The following CCDC178 variants were observed in gnomAD, a reference collection of about 807,000 sequenced individuals.
CCDC178 encodes the protein coiled-coil domain containing 178, also known as coiled-coil domain-containing protein 178.
Under a neutral mutation model 117.4 loss-of-function variants are expected in CCDC178, and 126 were observed. The ratio of observed to expected loss-of-function variants is 1.07; its 90% CI spans 0.93 to 1.24. The LOEUF is 1.24. Ranked by LOEUF, CCDC178 falls within the 50% of genes most tolerant of loss-of-function variation. The pLI is 0.00. For missense variants in CCDC178, 1,030 were observed against 986.9 expected, an observed-to-expected ratio of 1.04 and a Z score of -0.59; for synonymous variants, 283 against 313.4, an observed-to-expected ratio of 0.90 and a Z score of 1.02.
rs1047693658 is a variant in CCDC178, at chr18:33,336,863, GC to G, written c.659-3470del. Among the ~76,000 whole-genome samples, 7 of 148,736 alleles carry G rather than the reference GC, an allele frequency of 4.7e-5. No individual in the cohort carries two copies. The East Asian group carries it at 1.2e-3, about 25-fold the overall frequency. On this transcript the variant is annotated intron_variant, in intron 9 of 22. Coordinates refer to ENST00000383096, the MANE Select transcript of CCDC178 (RefSeq NM_001105528.4). ...AGATTTGTTCTTTTTGCTTAGTCTT[GC>G]TTTGGCTATGCAGACTCTTTTTTTT... is the stretch of plus-strand genomic sequence containing the variant.
chr18:33,030,535 A>AGATAGAT (rs1025982848), intron 21 of CCDC178, among the ~76,000 whole-genome samples: 3 of 151,248 alleles, frequency 2.0e-5, no homozygotes, highest in Admixed American at 1.3e-4. Context: ...ATAGATAGAT[A>AGATAGAT]GATAGATAGA....
At chr18:33,351,029 G>C (rs1485458336) in intron 7 of CCDC178, among the ~76,000 whole-genome samples, 1 of 152,002 alleles carries the variant, frequency 6.6e-6, no homozygotes, top group Non-Finnish European at 1.5e-5. Flanking sequence ...CCTTTATTGT[G>C]TTTAATAAAG....
intron 2 of CCDC178, among the ~76,000 whole-genome samples, chr18:33,436,370 G>A (rs558500638): frequency 1.9e-4 from 29 of 152,288 alleles, no homozygotes; most frequent in Non-Finnish European, 3.5e-4. Flanking sequence ...TGAAAGACAT[G>A]CATAGACCAC....
intron 21 of CCDC178, among the ~76,000 whole-genome samples, chr18:33,090,132 A>G (rs115547133): frequency 9.5e-4 from 145 of 152,270 alleles, no homozygotes; most frequent in African/African-American, 3.4e-3. Context: ...TAGCATTCTA[A>G]CATTTGAGAC....
chr18:33,038,736 C>A (rs1407481582), intron 21 of CCDC178, among the ~76,000 whole-genome samples: 1 of 151,968 alleles, frequency 6.6e-6, no homozygotes, highest in East Asian at 1.9e-4. Flanking sequence ...AGAAGAGATG[C>A]TGGTAGTATC....
At chr18:33,336,018 C>T (rs1039826472) in intron 9 of CCDC178, among the ~76,000 whole-genome samples, 61 of 152,102 alleles carry the variant, frequency 4.0e-4, no homozygotes, top group African/African-American at 1.4e-3. Context: ...TTACTACTAA[C>T]GTACAGAACA....
At chr18:33,151,680 C>G (rs2058342569) in intron 20 of CCDC178, among the ~76,000 whole-genome samples, 1 of 152,098 alleles carries the variant, frequency 6.6e-6, no homozygotes, top group Admixed American at 6.5e-5. Context: ...CCCAAGAAAA[C>G]TGTTTCTCAT....
At position 33,220,271 on chromosome 18, in the gene CCDC178, T is replaced by C. The variant is rs149241027; in HGVS notation, c.1932+2835A>G. On this transcript the variant is annotated intron_variant, in intron 18 of 22. Transcript: ENST00000383096. ...TTACAATGCACCGATTACTGTACTA[T>C]GCATTGTATTTGAACTGTGCCTTTT... Among the ~76,000 whole-genome samples the C allele has an allele frequency of 6.4e-3, 970 of 152,172 alleles. 10 individuals carry two copies. Among genetic ancestry groups the C allele is most frequent in the Middle Eastern group, 0.017 (5 of 294 alleles).
chr18:33,258,793 T>G (rs994007396), intron 14 of CCDC178, among the ~76,000 whole-genome samples: 2 of 152,266 alleles, frequency 1.3e-5, no homozygotes, highest in African/African-American at 4.8e-5. Context: ...GTTATGTTAT[T>G]AAATTGCTGT....
chr18:33,304,329 G>A (rs1363768196), intron 11 of CCDC178, among the ~76,000 whole-genome samples: 1 of 152,098 alleles, frequency 6.6e-6, no homozygotes, highest in African/African-American at 2.4e-5. Context: ...ATTCTCAAAG[G>A]TGGGTGGACT....
At chr18:33,086,253 A>G (rs1046899822) in intron 21 of CCDC178, among the ~76,000 whole-genome samples, 5 of 151,940 alleles carry the variant, frequency 3.3e-5, no homozygotes, top group African/African-American at 1.2e-4. Context: ...AAATATTCCA[A>G]ATTATTCTAT....
intron 21 of CCDC178, among the ~76,000 whole-genome samples, chr18:33,041,177 C>A (rs2056543947): frequency 6.6e-6 from 1 of 151,704 alleles, no homozygotes; most frequent in African/African-American, 2.4e-5. Flanking sequence ...TCTATATAAA[C>A]AAATTAGAAA....
chr18:33,362,142 T>C (rs574109091), intron 6 of CCDC178, among the ~76,000 whole-genome samples: 1 of 148,896 alleles, frequency 6.7e-6, no homozygotes, highest in Admixed American at 6.8e-5. Context: ...TATGCATGTG[T>C]ATGTGTGTCT....
chr18:33,309,535 T>G (rs1392773277), intron 11 of CCDC178, among the ~76,000 whole-genome samples: 1 of 152,178 alleles, frequency 6.6e-6, no homozygotes, highest in Non-Finnish European at 1.5e-5. Context: ...TCTGGGTTAT[T>G]TCCAATTAAA....
In CCDC178 at chr18:33,276,058, G is replaced by A. The variant is rs922867754; in HGVS notation, c.1177-8761C>T. ...TAAATAAATAAATAAATAAATAAAT[G>A]ACAATATTAGATGGGACTGTGAATC... On this transcript the variant is annotated intron_variant, in intron 12 of 22. Coordinates refer to ENST00000383096, the MANE Select transcript of CCDC178 (RefSeq NM_001105528.4). Among the ~76,000 whole-genome samples the A allele has an allele frequency of 2.2e-4, 9 of 40,602 alleles. No individual in the cohort carries two copies. In the East Asian group the frequency reaches 3.0e-3, roughly 14 times the overall value. 26.6% of individuals were successfully genotyped at this position (40,602 alleles called of 152,430 possible).
At chr18:33,385,791 A>C (rs2063485369) in intron 5 of CCDC178, among the ~76,000 whole-genome samples, 1 of 152,146 alleles carries the variant, frequency 6.6e-6, no homozygotes, top group East Asian at 1.9e-4. Flanking sequence ...ATCACAACTA[A>C]ATGAACTAGA....
Position 33,389,596 on chromosome 18 carries a change from C to T in CCDC178, c.152G>A (p.Gly51Glu). ...ACCTTCACTGTTCTCCTTAGAGGCT[C>T]CATATAGAACCAAACTTTGAGACAT... Reference protein sequence around the residue: ...NAMSQSLVLYGASKENSEGFH... With the variant: ...NAMSQSLVLYEASKENSEGFH... The change falls in exon 5 of 23, where the codon GGA becomes GAA. Residue 51 changes from glycine (G) to glutamate (E), a missense_variant. By Grantham distance (98) the Gly-to-Glu change is moderately conservative (BLOSUM62 -2). Transcript: ENST00000383096. 3.3e-6 allele frequency: 5 copies of T among 1,516,364 alleles called. No homozygotes were observed. Among genetic ancestry groups the T allele is most frequent in the Non-Finnish European group, 4.4e-6 (5 of 1,135,520 alleles). The allele number at this position is 1,516,364 out of a possible 1,614,324, so 93.9% of individuals were successfully genotyped here. A position where few individuals can be genotyped will look rare whatever the true frequency, so the allele number is the denominator to read the frequency against.
chr18:33,057,449 G>A (rs568528052), intron 21 of CCDC178, among the ~76,000 whole-genome samples: 30 of 152,110 alleles, frequency 2.0e-4, no homozygotes, highest in Non-Finnish European at 3.8e-4. Context: ...GCAAACTGCA[G>A]GTTGCAACTC....
intron 21 of CCDC178, among the ~76,000 whole-genome samples, chr18:33,063,388 C>T (rs2056961292): frequency 6.6e-6 from 1 of 152,148 alleles, no homozygotes; most frequent in African/African-American, 2.4e-5. Flanking sequence ...TGCCACTGCC[C>T]ATAAACTCTG....
Sources: allele counts gnomAD v4.1 joint callset (sites outside exome capture counted in the v4.1 genomes callset), GRCh38; gene constraint gnomAD v4.1.1; transcripts MANE v1.5; gene names NCBI Gene and HGNC (gene_info 2026-07-23, HGNC 2026-07-21).